ABCA4: variants seen among roughly 807,000 people sequenced by gnomAD.
The protein encoded by ABCA4 is retinal-specific phospholipid-transporting ATPase ABCA4.
A neutral mutation model predicts 263.7 loss-of-function variants in ABCA4; 196 were observed. That is an observed-to-expected ratio of 0.74 (90% confidence interval 0.66 to 0.84). The LOEUF is 0.84. Among genes scored for constraint, ABCA4 ranks in the 40% least tolerant of loss-of-function variants. The pLI is 0.00. For synonymous variants in ABCA4, 1,133 were observed against 1,094.2 expected, an observed-to-expected ratio of 1.04 and a Z score of -0.70; for missense variants, 2,792 against 2,855.1, an observed-to-expected ratio of 0.98 and a Z score of 0.50.
chr1:94,036,771 C>T lies in ABCA4; in HGVS notation c.3831G>A (p.Thr1277=), dbSNP rs75092434. The T allele has an allele frequency of 1.3e-3, 2,053 of 1,614,076 alleles. 21 individuals carry two copies. In the African/African-American group the frequency reaches 0.024, roughly 19 times the overall value. Residue 1277 remains threonine (T), a synonymous_variant, in exon 26 of 50, where the codon ACG becomes ACA. Coordinates refer to ENST00000370225, the MANE Select transcript of ABCA4 (RefSeq NM_000350.3). ...ACAGAGGTCCTGAATCAGAATCCTC[C>T]GTGACCTTCAGAAAAATCTGTCAAG... is the stretch of plus-strand genomic sequence containing the variant. ...TPLEEIFLKV[T]EDSDSGPLFA...
intron 26 of ABCA4, among the ~76,000 whole-genome samples, chr1:94,033,782 C>A (rs551363279): frequency 2.0e-5 from 3 of 152,082 alleles, no homozygotes; most frequent in African/African-American, 7.2e-5. Flanking sequence ...GGCACCTGCA[C>A]TCAGAGGGGC....
Position 94,080,674 on chromosome 1 carries a change from C to G in ABCA4, c.903G>C (p.Arg301Ser), listed in dbSNP as rs142076270. ...CTGGACCACCATTCTGCATGAGGGG[C>G]CTGGTCACCCACAGCAAGTCCTGCA... ...PSMQDLLWVT[R>S]PLMQNGGPET... The change falls in exon 8 of 50, where the codon AGG becomes AGC. Residue 301 changes from arginine to serine, a missense_variant. Arg to Ser is a moderately radical substitution (Grantham distance 110, BLOSUM62 -1). Coordinates refer to ENST00000370225, the MANE Select transcript of ABCA4 (RefSeq NM_000350.3). 3.7e-6 allele frequency: 6 copies of G among 1,614,084 alleles called. No individual in the cohort carries two copies. The highest frequency in any genetic ancestry group is 1.1e-5 in the South Asian group (1 of 91,068).
At chr1:94,100,890 C>T (rs946915690) in intron 5 of ABCA4, among the ~76,000 whole-genome samples, 4 of 152,156 alleles carry the variant, frequency 2.6e-5, no homozygotes, top group East Asian at 1.9e-4. Context: ...TGATAAGGAG[C>T]CCCGGAACTG....
intron 40 of ABCA4, 43 bp from the exon 41 acceptor site, chr1:94,008,914 G>GTCCTT: frequency 6.2e-7 from 1 of 1,606,368 alleles, no homozygotes; most frequent in East Asian, 2.2e-5. Context: ...GCTGTACAGT[G>GTCCTT]TCCTTGGCAC....
intron 30 of ABCA4, among the ~76,000 whole-genome samples, chr1:94,027,058 GAGAA>G (rs1660060966): frequency 2.0e-5 from 3 of 151,878 alleles, no homozygotes; most frequent in African/African-American, 4.9e-5. Context: ...GAGATTGAGA[GAGAA>G]AGAGAGAGAG....
At position 94,111,537 on chromosome 1, in the gene ABCA4, G is replaced by T; in HGVS notation, c.203C>A (p.Pro68Gln). 1 of 1,614,204 alleles carries T rather than the reference G, an allele frequency of 6.2e-7. No individual in the cohort carries two copies. The highest frequency in any genetic ancestry group is 8.5e-7 in the Non-Finnish European group (1 of 1,180,010). ...ATTGCAGAAGATCCCCTGGAGCCAC[G>T]GCAGCATTCCTGCTGAGGGCATCGC... ...NKAMPSAGML[P>Q]WLQGIFCNVN... The change falls in exon 3 of 50, where the codon CCG becomes CAG. Residue 68 changes from proline (P) to glutamine (Q), a missense_variant. Physicochemically the swap from Pro to Gln is moderately conservative, Grantham distance 76 (BLOSUM62 -1). Transcript: ENST00000370225.
chr1:94,097,660 G>A (rs1662158525), intron 6 of ABCA4, among the ~76,000 whole-genome samples: 1 of 152,180 alleles, frequency 6.6e-6, no homozygotes, highest in Admixed American at 6.5e-5. Context: ...TCTGGGCCTG[G>A]CCTGGTTCTT....
intron 40 of ABCA4, among the ~76,000 whole-genome samples, chr1:94,009,117 T>A (rs376395913): frequency 1.3e-5 from 2 of 152,056 alleles, no homozygotes; most frequent in African/African-American, 2.4e-5. Flanking sequence ...ATCTTGGGCA[T>A]TGGACCTCTC....
At chr1:94,006,073 G>A (rs1659370939) in intron 43 of ABCA4, among the ~76,000 whole-genome samples, 1 of 152,172 alleles carries the variant, frequency 6.6e-6, no homozygotes, top group Non-Finnish European at 1.5e-5. Flanking sequence ...GGGGTAGAGT[G>A]AGTTGGGTTC....
At chr1:94,006,395 T>A (rs2101001742) in intron 43 of ABCA4, among the ~76,000 whole-genome samples, 1 of 152,354 alleles carries the variant, frequency 6.6e-6, no homozygotes, top group Non-Finnish European at 1.5e-5. Context: ...ATAGTTTCTT[T>A]CTAGCGTCCA....
intron 30 of ABCA4, among the ~76,000 whole-genome samples, chr1:94,026,098 T>G (rs1320051805): frequency 6.6e-6 from 1 of 152,192 alleles, no homozygotes; most frequent in Non-Finnish European, 1.5e-5. Context: ...CCGCTTACAT[T>G]CTCATAAAAG....
intron 26 of ABCA4, among the ~76,000 whole-genome samples, chr1:94,034,177 G>A (rs528834991): frequency 1.3e-5 from 2 of 152,090 alleles, no homozygotes; most frequent in Non-Finnish European, 2.9e-5. Context: ...ACATGAACCC[G>A]TGATCATTTA....
At chr1:94,071,674 C>T (rs17110991) in intron 11 of ABCA4, among the ~76,000 whole-genome samples, 10,050 of 152,252 alleles carry the variant, frequency 0.066, 1,067 homozygotes, top group African/African-American at 0.22. Flanking sequence ...TGGCTCATAG[C>T]AGCTTCAATA....
intron 20 of ABCA4, among the ~76,000 whole-genome samples, chr1:94,044,233 T>C (rs1214677818): frequency 6.6e-6 from 1 of 152,122 alleles, no homozygotes; most frequent in Non-Finnish European, 1.5e-5. Flanking sequence ...AAAAGCCCCC[T>C]GAAAAGTTTG....
At chr1:94,056,568 G>T (rs946046443) in intron 15 of ABCA4, 33 bp downstream of exon 15, 13 of 1,601,552 alleles carry the variant, frequency 8.1e-6, no homozygotes, top group African/African-American at 1.3e-5. Flanking sequence ...AAGGAAACGT[G>T]TTGTAGGACA....
intron 32 of ABCA4, 122 bp downstream of exon 32, chr1:94,023,264 C>A: frequency 1.2e-6 from 1 of 806,760 alleles, no homozygotes; most frequent in South Asian, 1.5e-5. Context: ...TGTCTTGTGA[C>A]TTCCTGAGCA....
At chr1:94,028,906 CAAAA>C (rs34738807) in intron 30 of ABCA4, among the ~76,000 whole-genome samples, 14 of 37,650 alleles carry the variant, frequency 3.7e-4, no homozygotes, top group African/African-American at 1.7e-3. Flanking sequence ...GACTCTGTCT[CAAAA>C]AAAAAAAAAA....
chr1:94,034,536 C>T (rs1660293094), intron 26 of ABCA4, among the ~76,000 whole-genome samples: 1 of 152,040 alleles, frequency 6.6e-6, no homozygotes, highest in Non-Finnish European at 1.5e-5. Flanking sequence ...GCTACAGGTT[C>T]ATTTAAACAC....
At chr1:94,058,451 T>C (rs1196818897) in intron 14 of ABCA4, among the ~76,000 whole-genome samples, 1 of 152,218 alleles carries the variant, frequency 6.6e-6, no homozygotes, top group Non-Finnish European at 1.5e-5. Flanking sequence ...GACCTCCACC[T>C]CCTGGGTTCA....
Sources: allele counts gnomAD v4.1 joint callset (sites outside exome capture counted in the v4.1 genomes callset), GRCh38; gene constraint gnomAD v4.1.1; transcripts MANE v1.5; gene names NCBI Gene and HGNC (gene_info 2026-07-23, HGNC 2026-07-21).